The following USH2A variants were observed in gnomAD, a reference collection of about 807,000 sequenced individuals.
USH2A encodes the protein usherin.
A neutral mutation model predicts 538.9 loss-of-function variants in USH2A; 443 were observed. That is an observed-to-expected ratio of 0.82 (90% CI 0.76 to 0.89). The LOEUF is 0.89. USH2A is among the 40% of genes least tolerant of loss of function. The probability of loss-of-function intolerance (pLI) is 0.00; values close to 1 mark genes in which losing one functional copy is unlikely to be tolerated. For missense variants in USH2A, 6,633 were observed against 6,324.8 expected, an observed-to-expected ratio of 1.05 and a Z score of -1.65; for synonymous variants, 2,413 against 2,273.5, an observed-to-expected ratio of 1.06 and a Z score of -1.75.
chr1:215,814,368 T>G (rs1662797514), intron 48 of USH2A, among the ~76,000 whole-genome samples: 1 of 148,976 alleles, frequency 6.7e-6, no homozygotes, highest in Non-Finnish European at 1.5e-5. Flanking sequence ...AAAATTTTAA[T>G]AATGCCTTAA....
At chr1:216,143,152 A>G (rs2033631775) in intron 21 of USH2A, among the ~76,000 whole-genome samples, 1 of 152,110 alleles carries the variant, frequency 6.6e-6, no homozygotes, top group Non-Finnish European at 1.5e-5. Flanking sequence ...TGCCTTCCCA[A>G]ATGGAACATG....
chr1:215,792,698 G>C (rs1193925670), intron 50 of USH2A, among the ~76,000 whole-genome samples: 1 of 152,326 alleles, frequency 6.6e-6, no homozygotes, highest in Admixed American at 6.5e-5. Flanking sequence ...GCATGAATGA[G>C]CTGCAAATTC....
intron 49 of USH2A, among the ~76,000 whole-genome samples, chr1:215,802,486 T>C (rs1377095825): frequency 6.6e-6 from 1 of 152,012 alleles, no homozygotes; most frequent in Non-Finnish European, 1.5e-5. Flanking sequence ...AAAGAAGACA[T>C]ACAAATAGCC....
chr1:216,068,458 C>A (rs1462673308), intron 30 of USH2A, among the ~76,000 whole-genome samples: 1 of 152,128 alleles, frequency 6.6e-6, no homozygotes, highest in Non-Finnish European at 1.5e-5. Context: ...GACTGCTGAG[C>A]CACACTGCAG....
intron 58 of USH2A, among the ~76,000 whole-genome samples, chr1:215,754,125 G>T (rs1279908581): frequency 1.3e-5 from 2 of 152,168 alleles, no homozygotes; most frequent in Non-Finnish European, 2.9e-5. Flanking sequence ...TGGGGATAAT[G>T]ATATTATTAC....
intron 49 of USH2A, among the ~76,000 whole-genome samples, chr1:215,813,216 A>C (rs935601409): frequency 1.3e-5 from 2 of 152,218 alleles, no homozygotes; most frequent in African/African-American, 4.8e-5. Context: ...GGATGAAGGA[A>C]AAAATCCAGT....
chr1:215,863,168 T>C (rs1488354973), intron 44 of USH2A, among the ~76,000 whole-genome samples: 2 of 152,066 alleles, frequency 1.3e-5, no homozygotes, highest in Admixed American at 6.5e-5. Context: ...TAGGATGGCA[T>C]TGAGAAGAGA....
At chr1:216,307,260 G>T (rs928246351) in intron 9 of USH2A, among the ~76,000 whole-genome samples, 10 of 152,066 alleles carry the variant, frequency 6.6e-5, no homozygotes, top group African/African-American at 2.4e-4. Context: ...TGAGTGTTGG[G>T]GGTGTGGTTC....
chr1:216,070,058 A>C (rs1236413158), intron 30 of USH2A, 43 bp downstream of exon 30: 1 of 1,605,332 alleles, frequency 6.2e-7, no homozygotes, highest in Non-Finnish European at 8.5e-7. Flanking sequence ...TGCAAACAAA[A>C]AGGAAGTTAA....
At chr1:215,855,623 A>G (rs1200986327) in intron 44 of USH2A, among the ~76,000 whole-genome samples, 2 of 151,974 alleles carry the variant, frequency 1.3e-5, no homozygotes, top group Non-Finnish European at 2.9e-5. Context: ...CATCAACACA[A>G]TTCCCATCAA....
At chr1:216,382,627 TGC>T (rs1401976913) in intron 3 of USH2A, among the ~76,000 whole-genome samples, 32 of 152,176 alleles carry the variant, frequency 2.1e-4, no homozygotes, top group Non-Finnish European at 2.5e-4. Flanking sequence ...TTTATAACTA[TGC>T]ATATGAAAAT....
intron 20 of USH2A, among the ~76,000 whole-genome samples, chr1:216,186,342 A>G (rs1572029997): frequency 6.6e-6 from 1 of 151,842 alleles, no homozygotes; most frequent in Admixed American, 6.6e-5. Flanking sequence ...GAGAGTCACC[A>G]GTGACCTCGC....
intron 44 of USH2A, among the ~76,000 whole-genome samples, chr1:215,851,129 A>G (rs1288145310): frequency 6.6e-6 from 1 of 152,206 alleles, no homozygotes; most frequent in African/African-American, 2.4e-5. Context: ...GTCACACCTC[A>G]AGGAACTAGA....
At chr1:215,659,133 A>G (rs1034300973) in intron 64 of USH2A, among the ~76,000 whole-genome samples, 1 of 152,254 alleles carries the variant, frequency 6.6e-6, no homozygotes, top group African/African-American at 2.4e-5. Context: ...GATATATGCT[A>G]GAAAGGAAAT....
At chr1:215,812,611 C>T (rs1000143757) in intron 49 of USH2A, among the ~76,000 whole-genome samples, 3 of 152,172 alleles carry the variant, frequency 2.0e-5, no homozygotes, top group Admixed American at 2.0e-4. Flanking sequence ...AAGTATTCAG[C>T]TTTCCTATGG....
intron 60 of USH2A, among the ~76,000 whole-genome samples, chr1:215,732,962 G>T (rs187023546): frequency 1.2e-3 from 180 of 152,006 alleles, no homozygotes; most frequent in African/African-American, 4.0e-3. Flanking sequence ...CCTTCTATGT[G>T]CTACCTCTTT....
At chr1:216,196,769 C>G (rs1459560128) in intron 18 of USH2A, 47 bp from the exon 19 acceptor site, 1 of 1,577,116 alleles carries the variant, frequency 6.3e-7, no homozygotes, top group Non-Finnish European at 8.7e-7. Context: ...TGAATGTCGT[C>G]CCTATATATT....
intron 32 of USH2A, among the ~76,000 whole-genome samples, chr1:216,032,440 C>A (rs1055362070): frequency 2.6e-5 from 4 of 152,088 alleles, no homozygotes; most frequent in Non-Finnish European, 5.9e-5. Flanking sequence ...AGGGTAAGAA[C>A]CATGCTTGAG....
chr1:215,900,932 G>A, intron 38 of USH2A, 27 bp from the exon 39 acceptor site: 2 of 1,612,696 alleles, frequency 1.2e-6, no homozygotes, highest in Non-Finnish European at 1.7e-6. Context: ...ATGAATTAGA[G>A]CAGAGAAAAC....
Sources: gnomAD v4.1 joint callset for allele counts (sites outside exome capture counted in the v4.1 genomes callset) on GRCh38, gnomAD v4.1.1 for gene constraint, MANE v1.5 for transcripts, NCBI Gene and HGNC (gene_info 2026-07-23, HGNC 2026-07-21) for gene names.